SBNO2: variants seen among roughly 807,000 people sequenced by gnomAD.
The protein encoded by SBNO2 is protein strawberry notch homolog 2.
In SBNO2, 89 loss-of-function variants were observed where a neutral mutation model predicts 146.3. The ratio of observed to expected loss-of-function variants is 0.61; its 90% confidence interval spans 0.51 to 0.73. SBNO2 has a LOEUF of 0.73. Among genes scored for constraint, SBNO2 ranks in the 30% least tolerant of loss-of-function variants. The pLI, the probability that SBNO2 is intolerant of heterozygous loss-of-function variation, is 0.00. For synonymous variants in SBNO2, 1,147 were observed against 892.6 expected (o/e 1.29, Z -5.08); for missense variants, 2,092 against 2,003.7 (o/e 1.04, Z -0.84).
intron 16 of SBNO2, 74 bp downstream of exon 16, chr19:1,116,755 G>A: frequency 2.2e-6 from 3 of 1,347,538 alleles, no homozygotes; most frequent in Non-Finnish European, 3.1e-6. Context: ...GCAGGGTCAG[G>A]CCACAGGTGG....
In SBNO2 at chr19:1,109,052, C is replaced by CTCTCAGGG; in HGVS notation, c.3425+75_3425+82dup. The CTCTCAGGG allele has an allele frequency of 1.3e-6, 2 of 1,514,382 alleles. No homozygotes were observed. Among genetic ancestry groups the CTCTCAGGG allele is most frequent in the Non-Finnish European group, 1.8e-6 (2 of 1,131,166 alleles). 93.8% of individuals were successfully genotyped at this position (1,514,382 alleles called of 1,614,324 possible). A position where few individuals can be genotyped will look rare whatever the true frequency, so the allele number is the denominator to read the frequency against. On this transcript the variant is annotated intron_variant, in intron 30 of 31. Transcript: ENST00000361757. This position sits in a 1 kb window ranked among gnomAD's most constrained non-coding sequence, Gnocchi z 4.2. ...CAGGTGCCCTGAGATCTCCCGCCTC[C>CTCTCAGGG]TCTCAGGGTCTCGGGAGCCCCCGAT...
chr19:1,109,607 G>A lies in SBNO2; in HGVS notation c.3124-9C>T, dbSNP rs770375157. The A allele has an allele frequency of 2.0e-6, 3 of 1,530,874 alleles. No individual in the cohort carries two copies. Among genetic ancestry groups the A allele is most frequent in the African/African-American group, 1.4e-5 (1 of 73,004 alleles). The allele number at this position is 1,530,874 out of a possible 1,614,324, so 94.8% of individuals were successfully genotyped here. ...CCGCGGTCCACGCTGATCTGCCACG[G>A]CACGGGGTGGGGGGGTGTGAGTGTG... On this transcript the variant is annotated splice_polypyrimidine_tract_variant and intron_variant, in intron 27 of 31. Transcript: ENST00000361757. The surrounding 1 kb of genome is among the most constrained non-coding windows in gnomAD (Gnocchi z 4.2).
In SBNO2 at chr19:1,110,869, G is replaced by C; in HGVS notation, c.2904C>G (p.Phe968Leu). The change falls in exon 26 of 32, where the codon TTC becomes TTG. Residue 968 changes from phenylalanine (F) to leucine (L), a missense_variant. Physicochemically the swap from Phe to Leu is conservative, Grantham distance 22 (BLOSUM62 0). Transcript: ENST00000361757. This position sits in a 1 kb window ranked among gnomAD's most constrained non-coding sequence, Gnocchi z 4.9. ...CCTCCAGCCCCAGGATGCGGTTCAG[G>C]AACTTGGTGATGGAACAGTCTGGTA... ...DVEKDCSITK[F>L]LNRILGLEVH... 6.2e-7 allele frequency: 1 copy of C among 1,613,770 alleles called. No individual in the cohort carries two copies. The highest frequency in any genetic ancestry group is 8.5e-7 in the Non-Finnish European group (1 of 1,179,770).
rs2080229850 is a variant in SBNO2 at position 1,150,246 on chromosome 19, G to C, written c.94-804C>G. Among the ~76,000 whole-genome samples, 1 of 152,154 alleles carries C rather than the reference G, an allele frequency of 6.6e-6. No homozygotes were observed. ...TGAGAGCGGCTTGAGGCACACGGCA[G>C]GCCCCAAAACCTGAGGATGGGGAGC... On this transcript the variant is annotated intron_variant, in intron 2 of 31. Coordinates refer to ENST00000361757, the MANE Select transcript of SBNO2 (RefSeq NM_014963.3). The surrounding 1 kb of genome is among the most constrained non-coding windows in gnomAD (Gnocchi z 6.2).
At chr19:1,118,889 A>AC in intron 14 of SBNO2, 122 bp downstream of exon 14, 2 of 1,039,444 alleles carry the variant, frequency 1.9e-6, no homozygotes, top group Non-Finnish European at 2.7e-6. Context: ...ACAAAAAAAA[A>AC]ACCCCAGGAC....
rs930531770 is a variant in SBNO2, at chr19:1,157,687, T to C, written c.-126-3285A>G. Among the ~76,000 whole-genome samples the C allele has an allele frequency of 2.6e-5, 4 of 152,058 alleles. No individual in the cohort carries two copies. Among genetic ancestry groups the C allele is most frequent in the Non-Finnish European group, 4.4e-5 (3 of 68,018 alleles). ...GAAATCAGGTCTTCAAGGGAGTCGT[T>C]GTAAAAGAGAACGATGAAGGTGCTG... On this transcript the variant is annotated intron_variant, in intron 1 of 31. Transcript: ENST00000361757. The surrounding 1 kb of genome is among the most constrained non-coding windows in gnomAD (Gnocchi z 6.8).
At position 1,109,202 on chromosome 19, in the gene SBNO2, C is replaced by G; in HGVS notation, c.3358G>C (p.Glu1120Gln). 1 of 1,565,950 alleles carries G rather than the reference C, an allele frequency of 6.4e-7. No individual in the cohort carries two copies. The highest frequency in any genetic ancestry group is 8.6e-7 in the Non-Finnish European group (1 of 1,156,406). Residue 1120 changes from glutamate to glutamine, a missense_variant, in exon 30 of 32, where the codon GAG becomes CAG. Transcript: ENST00000361757. This position sits in a 1 kb window ranked among gnomAD's most constrained non-coding sequence, Gnocchi z 4.2. ...CTCTCCCAGGGCTCCTTGGCCTCCT[C>G]CGCGGTGACCTAGGGACACAGGGCC... Reference protein sequence around the residue: ...LRRKFHRVTAEEAKEPWESGY... With the variant: ...LRRKFHRVTAQEAKEPWESGY...
chr19:1,149,334 C>T (rs1331362403), intron 3 of SBNO2, 35 bp downstream of exon 3: 1 of 1,536,676 alleles, frequency 6.5e-7, no homozygotes, highest in African/African-American at 1.4e-5. Flanking sequence ...AATGAGCAAG[C>T]CTGGGGGCCA....
chr19:1,162,459 C>CAA (rs71335341), intron 1 of SBNO2, among the ~76,000 whole-genome samples: 23 of 134,170 alleles, frequency 1.7e-4, no homozygotes, highest in Non-Finnish European at 2.9e-4. Context: ...GACTCCGTCT[C>CAA]AAAAAAAAAA....
chr19:1,160,349 C>G (rs1025868007), intron 1 of SBNO2, among the ~76,000 whole-genome samples: 1 of 152,224 alleles, frequency 6.6e-6, no homozygotes, highest in Non-Finnish European at 1.5e-5. Context: ...AGAAACCACT[C>G]CCACACCCCT....
Position 1,112,788 on chromosome 19 carries a change from G to A in SBNO2, c.2379+30C>T. 6.5e-7 allele frequency: 1 copy of A among 1,542,932 alleles called. No homozygotes were observed. The highest frequency in any genetic ancestry group is 1.2e-5 in the South Asian group (1 of 83,766). ...CCCTCTGTGCCTCTTGGGTCCCGTG[G>A]GCCGCGCCCAGTGCACTGCAGCCCC... On this transcript the variant is annotated intron_variant, in intron 20 of 31. Transcript: ENST00000361757. This position sits in a 1 kb window ranked among gnomAD's most constrained non-coding sequence, Gnocchi z 5.9.
At chr19:1,159,162 G>A (rs567952371) in intron 1 of SBNO2, among the ~76,000 whole-genome samples, 8 of 150,314 alleles carry the variant, frequency 5.3e-5, no homozygotes, top group South Asian at 4.1e-4. Context: ...TCTACCTGGC[G>A]GGCGCACAAC....
chr19:1,161,284 C>T (rs192332666), intron 1 of SBNO2, among the ~76,000 whole-genome samples: 329 of 9,250 alleles, frequency 0.036, 56 homozygotes, highest in East Asian at 0.1. Context: ...GGTGGGGGTG[C>T]CTGAGCACTG....
At position 1,119,613 on chromosome 19, in the gene SBNO2, C is replaced by A; in HGVS notation, c.1276G>T (p.Glu426Ter). ...VVYASATGAS[E>*]PRNMIYMSRL... ...CTCATGTAGATCATGTTCCGAGGCT[C>A]AGAGGCACCTGTGGGGGGAAGCTGC... The change falls in exon 13 of 32, where the codon GAG (glutamate) becomes TAG (stop). Residue 426 changes from glutamate to a stop codon, truncating the protein, a stop_gained. Transcript: ENST00000361757. LOFTEE classifies it high-confidence loss of function. 1 of 1,607,622 alleles carries A rather than the reference C, an allele frequency of 6.2e-7. No homozygotes were observed. The highest frequency in any genetic ancestry group is 8.5e-7 in the Non-Finnish European group (1 of 1,177,388).
chr19:1,113,914 T>A (rs2079799210), intron 18 of SBNO2, among the ~76,000 whole-genome samples: 1 of 152,174 alleles, frequency 6.6e-6, no homozygotes, highest in African/African-American at 2.4e-5. Flanking sequence ...AAGCCTCCTG[T>A]CGCGGACCAA....
At chr19:1,166,293 C>T (rs986061711) in intron 1 of SBNO2, among the ~76,000 whole-genome samples, 5 of 151,140 alleles carry the variant, frequency 3.3e-5, no homozygotes, top group South Asian at 2.1e-4. Flanking sequence ...GGAGATTCCA[C>T]GACACAAATG....
rs541330168 is a variant in SBNO2 at position 1,110,270 on chromosome 19, C to T, written c.3028+475G>A. Among the ~76,000 whole-genome samples the T allele has an allele frequency of 6.6e-6, 1 of 152,292 alleles. No individual in the cohort carries two copies. Among genetic ancestry groups the T allele is most frequent in the African/African-American group, 2.4e-5 (1 of 41,556 alleles). On this transcript the variant is annotated intron_variant, in intron 26 of 31. Coordinates refer to ENST00000361757, the MANE Select transcript of SBNO2 (RefSeq NM_014963.3). This position sits in a 1 kb window ranked among gnomAD's most constrained non-coding sequence, Gnocchi z 4.9. ...GACACAGGGAAGTGGTCCTGATGGACAGGCCTGGCCCCATGAGGCTGGAAG... is the reference window on the plus strand; with the variant it reads ...GACACAGGGAAGTGGTCCTGATGGATAGGCCTGGCCCCATGAGGCTGGAAG...
intron 1 of SBNO2, among the ~76,000 whole-genome samples, chr19:1,162,453 C>A (rs373859370): frequency 7.2e-6 from 1 of 139,342 alleles, no homozygotes; most frequent in East Asian, 2.4e-4. Context: ...GAGCGAGACT[C>A]CGTCTCAAAA....
intron 14 of SBNO2, 43 bp from the exon 15 acceptor site, chr19:1,117,542 G>T: frequency 1.3e-6 from 2 of 1,519,416 alleles, no homozygotes; most frequent in Non-Finnish European, 1.8e-6. Context: ...TGTGGCTCCT[G>T]GCTCCCGACC....
Sources: allele counts gnomAD v4.1 joint callset (sites outside exome capture counted in the v4.1 genomes callset), GRCh38; gene constraint gnomAD v4.1.1; non-coding constraint Gnocchi (gnomAD v3.1); transcripts MANE v1.5; gene names NCBI Gene and HGNC (gene_info 2026-07-23, HGNC 2026-07-21).